DMD: variants seen among roughly 807,000 people sequenced by gnomAD.
The protein encoded by DMD is dystrophin.
DMD carries 63 observed loss-of-function variants against 330.1 expected under a neutral mutation model. That is an observed-to-expected ratio of 0.19 (90% confidence interval 0.16 to 0.24). The LOEUF is 0.24. Ranked by LOEUF, DMD falls within the 10% of genes least tolerant of loss-of-function variation. The probability of loss-of-function intolerance (pLI) is 1.00; values close to 1 mark genes in which losing one functional copy is unlikely to be tolerated. For missense variants in DMD, 3,344 were observed against 2,684.1 expected (o/e 1.25, Z -5.43); for synonymous variants, 1,223 against 959.8 (o/e 1.27, Z -5.07).
intron 41 of DMD, among the ~76,000 whole-genome samples, chrX:32,333,805 CAT>C (rs1229429538): frequency 2.7e-5 from 3 of 111,078 alleles, no homozygotes; most frequent in African/African-American, 9.8e-5. Flanking sequence ...TTGAAGGTCA[CAT>C]ATTTTGTCCT....
chrX:32,058,381 C>T (rs978931568), intron 44 of DMD, among the ~76,000 whole-genome samples: 1 of 109,749 alleles, frequency 9.1e-6, no homozygotes, highest in African/African-American at 3.3e-5. Flanking sequence ...GTAATAACAA[C>T]AACAACAAAA....
intron 1 of DMD, among the ~76,000 whole-genome samples, chrX:33,073,657 C>T (rs1157146436): frequency 9.1e-6 from 1 of 109,958 alleles, no homozygotes; most frequent in Non-Finnish European, 1.9e-5. Flanking sequence ...GTGGTGAAAC[C>T]CCGTCTCTAC....
intron 62 of DMD, among the ~76,000 whole-genome samples, chrX:31,318,221 G>A (rs1215041249): frequency 8.9e-6 from 1 of 111,841 alleles, no homozygotes; most frequent in African/African-American, 3.3e-5. Flanking sequence ...GGGGAACACT[G>A]GTACTAAAAA....
At chrX:32,754,132 G>T (rs771100025) in intron 7 of DMD, among the ~76,000 whole-genome samples, 3 of 111,514 alleles carry the variant, frequency 2.7e-5, no homozygotes, top group Admixed American at 9.6e-5. Flanking sequence ...AATATTTAGA[G>T]TTGCTGGTCA....
At chrX:32,355,846 A>G (rs1029759000) in intron 37 of DMD, among the ~76,000 whole-genome samples, 1 of 110,874 alleles carries the variant, frequency 9.0e-6, no homozygotes, top group Non-Finnish European at 1.9e-5. Context: ...TCTTCATCTC[A>G]GTTTTCATGT....
chrX:31,937,675 G>A (rs1040705670), intron 45 of DMD, among the ~76,000 whole-genome samples: 4 of 111,965 alleles, frequency 3.6e-5, no homozygotes, highest in Admixed American at 9.5e-5. Flanking sequence ...GAAAAGCAAA[G>A]AAACACAGTT....
chrX:33,211,150 C>A, intron 1 of DMD, 132 bp downstream of exon 1: 1 of 688,462 alleles, frequency 1.5e-6, no homozygotes, highest in Non-Finnish European at 2.2e-6. Context: ...TATATATATG[C>A]AGTATATATA....
intron 62 of DMD, among the ~76,000 whole-genome samples, chrX:31,265,785 G>T (rs1435857007): frequency 2.2e-3 from 22 of 10,044 alleles, no homozygotes; most frequent in African/African-American, 6.7e-3. Context: ...TGGGGGTGTG[G>T]GGGGGGGGGG....
At chrX:31,875,611 C>A (rs1400630709) in intron 47 of DMD, among the ~76,000 whole-genome samples, 1 of 111,694 alleles carries the variant, frequency 9.0e-6, no homozygotes, top group Non-Finnish European at 1.9e-5. Context: ...AAACTAATAC[C>A]TTTTTGGAAT....
intron 29 of DMD, among the ~76,000 whole-genome samples, chrX:32,426,414 T>A (rs1240173793): frequency 9.0e-6 from 1 of 111,564 alleles, no homozygotes; most frequent in East Asian, 2.8e-4. Flanking sequence ...AAGTGCACAT[T>A]AAAACCACGA....
intron 1 of DMD, among the ~76,000 whole-genome samples, chrX:33,330,411 A>G (rs2054154762): frequency 1.8e-5 from 2 of 111,767 alleles, no homozygotes; most frequent in South Asian, 7.6e-4. Flanking sequence ...CCTCCTTTGT[A>G]ACCTCTGAGG....
In DMD at chrX:32,252,677, AATATATAAAT is replaced by A. The variant is rs1273777715; in HGVS notation, c.6290+34842_6290+34851del. ...ACAAATATATAAATATATATATATA[AATATATAAAT>A]ATATATATAAATATATATAAATATA... On this transcript the variant is annotated intron_variant, in intron 43 of 78. Transcript: ENST00000357033. Among the ~76,000 whole-genome samples, 95 of 33,550 alleles carry A rather than the reference AATATATAAAT, an allele frequency of 2.8e-3. 3 individuals are homozygous for A. The highest frequency in any genetic ancestry group is 9.1e-3 in the South Asian group (8 of 875). The allele number at this position is 33,550 out of a possible 115,157, so 29.1% of individuals were successfully genotyped here. A position where few individuals can be genotyped will look rare whatever the true frequency, so the allele number is the denominator to read the frequency against.
intron 62 of DMD, among the ~76,000 whole-genome samples, chrX:31,315,612 C>G (rs1229909175): frequency 1.8e-5 from 2 of 112,228 alleles, no homozygotes; most frequent in African/African-American, 6.5e-5. Context: ...TGCTCATTCT[C>G]ACATTTCCAA....
chrX:31,620,186 T>C (rs927145454), intron 55 of DMD, among the ~76,000 whole-genome samples: 5 of 111,454 alleles, frequency 4.5e-5, no homozygotes, highest in Admixed American at 9.6e-5. Context: ...CACTGAACAA[T>C]AGATTCATGG....
At chrX:31,498,182 A>T (rs1386580986) in intron 56 of DMD, among the ~76,000 whole-genome samples, 1 of 112,238 alleles carries the variant, frequency 8.9e-6, no homozygotes, top group Non-Finnish European at 1.9e-5. Flanking sequence ...AGAAATTGGA[A>T]AAAGATACAA....
At chrX:32,111,828 G>C (rs1157080576) in intron 44 of DMD, among the ~76,000 whole-genome samples, 1 of 111,515 alleles carries the variant, frequency 9.0e-6, no homozygotes, top group African/African-American at 3.3e-5. Flanking sequence ...TGCTTCTCCA[G>C]GTGATTTAAT....
At chrX:33,235,354 C>T (rs2052457960) in intron 1 of DMD, among the ~76,000 whole-genome samples, 1 of 111,771 alleles carries the variant, frequency 8.9e-6, no homozygotes, top group African/African-American at 3.3e-5. Context: ...AAACATTGAT[C>T]ATTTACTATA....
At chrX:32,536,222 G>A (rs1359657496) in intron 17 of DMD, among the ~76,000 whole-genome samples, 10 of 89,302 alleles carry the variant, frequency 1.1e-4, no homozygotes, top group African/African-American at 4.2e-4. Context: ...CTGAGATCGC[G>A]CCACTGCACT....
chrX:32,162,375 A>T (rs767606620), intron 44 of DMD, among the ~76,000 whole-genome samples: 2 of 110,443 alleles, frequency 1.8e-5, no homozygotes, highest in South Asian at 7.9e-4. Context: ...CTATTCTGCC[A>T]TTAAACATTC....
Sources: allele counts gnomAD v4.1 joint callset (sites outside exome capture counted in the v4.1 genomes callset), GRCh38; gene constraint gnomAD v4.1.1; transcripts MANE v1.5; gene names NCBI Gene and HGNC (gene_info 2026-07-23, HGNC 2026-07-21).